Variants in SPINK4 observed in about 807,000 individuals in gnomAD.
The protein encoded by SPINK4 is serine peptidase inhibitor Kazal type 4.
Under a neutral mutation model 12.3 loss-of-function variants are expected in SPINK4, and 10 were observed. The ratio of observed to expected loss-of-function variants is 0.81; its 90% CI spans 0.50 to 1.37. The LOEUF (loss-of-function observed/expected upper bound fraction) is 1.37, where lower values mean the gene tolerates loss of function less well. Ranked by LOEUF, SPINK4 falls within the 40% of genes most tolerant of loss-of-function variation. The probability of loss-of-function intolerance (pLI) is 0.00; values close to 1 mark genes in which losing one functional copy is unlikely to be tolerated. For missense variants in SPINK4, 91 were observed against 109.0 expected (o/e 0.84, Z 0.73); for synonymous variants, 37 against 40.2 (o/e 0.92, Z 0.30).
At chr9:33,246,756 C>G in intron 3 of SPINK4, 28 bp downstream of exon 3, 1 of 1,601,338 alleles carries the variant, frequency 6.2e-7, no homozygotes. Context: ...CCCCTGCTTG[C>G]TTGGGTGGGC....
At chr9:33,241,026 G>A (rs893416214) in intron 1 of SPINK4, among the ~76,000 whole-genome samples, 2 of 152,200 alleles carry the variant, frequency 1.3e-5, no homozygotes, top group Non-Finnish European at 2.9e-5. Context: ...GCACTGGAAG[G>A]GGGTTGCAAT....
intron 1 of SPINK4, among the ~76,000 whole-genome samples, chr9:33,240,522 A>G (rs706108): frequency 0.35 from 53,803 of 152,146 alleles, 12,122 homozygotes; most frequent in African/African-American, 0.65. Context: ...CAGCTGTAAA[A>G]GAGGGCATTG....
chr9:33,248,303 T>C, intron 3 of SPINK4, 123 bp from the exon 4 acceptor site: 2 of 915,032 alleles, frequency 2.2e-6, no homozygotes, highest in South Asian at 3.1e-5. Flanking sequence ...ATCTGCCCTG[T>C]ATCCATACAC....
At chr9:33,247,035 A>T (rs2117885652) in intron 3 of SPINK4, among the ~76,000 whole-genome samples, 1 of 152,148 alleles carries the variant, frequency 6.6e-6, no homozygotes, top group South Asian at 2.1e-4. Flanking sequence ...TTTATTGAGC[A>T]TTTACTATGT....
chr9:33,245,280 G>A, intron 2 of SPINK4, 128 bp downstream of exon 2: 1 of 975,008 alleles, frequency 1.0e-6, no homozygotes, highest in Non-Finnish European at 1.5e-6. Flanking sequence ...GGTGGCCAAG[G>A]TGGCCTCCTG....
At chr9:33,246,190 G>A (rs1271989922) in intron 2 of SPINK4, among the ~76,000 whole-genome samples, 1 of 152,124 alleles carries the variant, frequency 6.6e-6, no homozygotes, top group Non-Finnish European at 1.5e-5. Context: ...AGGGAGAGAG[G>A]GGCCTCCTGG....
chr9:33,242,729 A>G (rs1820249555), intron 1 of SPINK4, among the ~76,000 whole-genome samples: 1 of 152,200 alleles, frequency 6.6e-6, no homozygotes, highest in Non-Finnish European at 1.5e-5. Flanking sequence ...TTGACAATGT[A>G]TACACTCGTG....
intron 2 of SPINK4, 53 bp downstream of exon 2, chr9:33,245,205 C>A: frequency 6.4e-7 from 1 of 1,566,396 alleles, no homozygotes; most frequent in Admixed American, 1.8e-5. Context: ...GGAGTCCTCT[C>A]GTCCATGCTG....
At chr9:33,245,315 C>T (rs1032358226) in intron 2 of SPINK4, among the ~76,000 whole-genome samples, 163 bp downstream of exon 2, 1 of 152,194 alleles carries the variant, frequency 6.6e-6, no homozygotes, top group Non-Finnish European at 1.5e-5. Context: ...CACATTAGCC[C>T]CCAAGGCTGA....
Position 33,245,131 on chromosome 9 carries a change from A to G in SPINK4, c.81A>G (p.Gly27=), listed in dbSNP as rs1587780549. The G allele has an allele frequency of 6.2e-7, 1 of 1,613,850 alleles. No homozygotes were observed. The highest frequency in any genetic ancestry group is 2.2e-5 in the East Asian group (1 of 44,864). The change falls in exon 2 of 4, where the codon GGA becomes GGG. Residue 27 remains glycine (G), a synonymous_variant. Coordinates refer to ENST00000379721, the MANE Select transcript of SPINK4 (RefSeq NM_014471.3). ...VVDREVPVAA[G]KLPFSRMPIC... ...TTTCAGAAGTGCCAGTGGCAGCAGG[A>G]AAGCTCCCTTTCTCAAGAATGGTAA...
chr9:33,242,876 C>CTT (rs59110651), intron 1 of SPINK4, among the ~76,000 whole-genome samples: 13,675 of 139,190 alleles, frequency 0.098, 1,356 homozygotes, highest in African/African-American at 0.25. Context: ...TGCTCTGACA[C>CTT]TTTTTTTTTT....
chr9:33,248,566 G>A lies in SPINK4; in HGVS notation c.*95G>A. Reference sequence around the variant, plus strand: ...ATGAAATAAAAGATCCAGCCCAACTGAGTGAAGTGGTCAGTGTCTCTGGGG... The same window carrying A: ...ATGAAATAAAAGATCCAGCCCAACTAAGTGAAGTGGTCAGTGTCTCTGGGG... On this transcript the variant is annotated 3_prime_UTR_variant, in exon 4 of 4. Coordinates refer to ENST00000379721, the MANE Select transcript of SPINK4 (RefSeq NM_014471.3). 2.1e-6 allele frequency: 3 copies of A among 1,441,808 alleles called. No individual in the cohort carries two copies. The highest frequency in any genetic ancestry group is 9.6e-7 in the Non-Finnish European group (1 of 1,040,210). The allele number at this position is 1,441,808 out of a possible 1,614,324, so 89.3% of individuals were successfully genotyped here.
chr9:33,246,509 T>C, intron 2 of SPINK4, 107 bp from the exon 3 acceptor site: 1 of 843,674 alleles, frequency 1.2e-6, no homozygotes, highest in Admixed American at 1.8e-5. Context: ...GGGGGCCTTC[T>C]TGACTCTGAT....
chr9:33,240,917 A>G (rs1820228301), intron 1 of SPINK4, among the ~76,000 whole-genome samples: 1 of 152,218 alleles, frequency 6.6e-6, no homozygotes, highest in African/African-American at 2.4e-5. Flanking sequence ...GGGGTAGAGG[A>G]AAAGGGGAAA....
intron 1 of SPINK4, among the ~76,000 whole-genome samples, chr9:33,241,184 G>T (rs1238870923): frequency 6.6e-6 from 1 of 152,174 alleles, no homozygotes; most frequent in Non-Finnish European, 1.5e-5. Context: ...GGCATGCCTG[G>T]AGTGACTGAG....
chr9:33,246,162 G>A (rs1372962887), intron 2 of SPINK4, among the ~76,000 whole-genome samples: 2 of 152,164 alleles, frequency 1.3e-5, no homozygotes, highest in South Asian at 2.1e-4. Flanking sequence ...GCAGGCCAGG[G>A]AGAGTTCAGG....
rs374344481 is a variant in SPINK4, at chr9:33,240,237, T to C, written c.29T>C (p.Leu10Pro). 4.2e-5 allele frequency: 68 copies of C among 1,606,072 alleles called. No homozygotes were observed. In the African/African-American group the frequency reaches 8.5e-4, roughly 20 times the overall value. Residue 10 changes from leucine (L) to proline (P), a missense_variant, in exon 1 of 4, where the codon CTG (leucine) becomes CCG (proline). Physicochemically the swap from Leu to Pro is moderately conservative, Grantham distance 98. Transcript: ENST00000379721. Reference protein sequence around the residue: MAVRQWVIALALAALLVVDR... With the variant: MAVRQWVIAPALAALLVVDR... Reference sequence around the variant, plus strand: ...GCCGTCCGCCAGTGGGTAATCGCCCTGGCCTTGGCTGCCCTCCTTGTTGTG... The same window carrying C: ...GCCGTCCGCCAGTGGGTAATCGCCCCGGCCTTGGCTGCCCTCCTTGTTGTG...
At chr9:33,246,554 C>T (rs945548995) in intron 2 of SPINK4, 62 bp from the exon 3 acceptor site, 15 of 1,449,788 alleles carry the variant, frequency 1.0e-5, no homozygotes, top group Admixed American at 8.4e-5. Flanking sequence ...CGAGCAGAAC[C>T]CCTGTATCCC....
intron 1 of SPINK4, among the ~76,000 whole-genome samples, chr9:33,244,895 A>G (rs1691986766): frequency 1.3e-5 from 2 of 152,100 alleles, no homozygotes; most frequent in African/African-American, 4.8e-5. Flanking sequence ...CTGGACTGTC[A>G]CCTTCCTAAT....
Sources: gnomAD v4.1 joint callset for allele counts (sites outside exome capture counted in the v4.1 genomes callset) on GRCh38, gnomAD v4.1.1 for gene constraint, MANE v1.5 for transcripts, NCBI Gene and HGNC (gene_info 2026-07-23, HGNC 2026-07-21) for gene names.